The following MIA2 variants were observed in gnomAD, a reference collection of about 807,000 sequenced individuals.
MIA2 encodes melanoma inhibitory activity protein 2.
MIA2 carries 127 observed loss-of-function variants against 167.8 expected under a neutral mutation model. The observed-to-expected ratio is 0.76, with a 90% CI of 0.66 to 0.88. The LOEUF (loss-of-function observed/expected upper bound fraction) is 0.88, where lower values mean the gene tolerates loss of function less well. MIA2 is among the 40% of genes least tolerant of loss of function. MIA2 has a pLI of 0.00. For synonymous variants in MIA2, 552 were observed against 541.9 expected (o/e 1.02, Z -0.26); for missense variants, 1,690 against 1,624.7 (o/e 1.04, Z -0.69).
At chr14:39,237,205 C>T (rs573850012) in intron 2 of MIA2, 150 bp downstream of exon 2, 3 of 856,456 alleles carry the variant, frequency 3.5e-6, no homozygotes, top group African/African-American at 3.3e-5. Flanking sequence ...ACTACAACTT[C>T]CAGCTTCCAA....
rs2056761442 is a variant in MIA2, at chr14:39,269,594, A to G, written c.1888-7340A>G. On this transcript the variant is annotated intron_variant, in intron 6 of 28. Coordinates refer to ENST00000640607, the MANE Select transcript of MIA2 (RefSeq NM_001329214.4). ...GAGTGCAGTGGCTTGATCTCAGCTC[A>G]CTGCAGCTTAGACCTCTCTGGCTCA... is the stretch of plus-strand genomic sequence containing the variant. Among the ~76,000 whole-genome samples the G allele has an allele frequency of 2.0e-5, 3 of 150,072 alleles. No individual in the cohort carries two copies. The South Asian group carries it at 6.3e-4, about 32-fold the overall frequency.
In MIA2 at chr14:39,249,065, T is replaced by A. The variant is rs1002205131; in HGVS notation, c.1567+924T>A. On this transcript the variant is annotated intron_variant, in intron 4 of 28. Coordinates refer to ENST00000640607, the MANE Select transcript of MIA2 (RefSeq NM_001329214.4). ...GCTAAAGGAAAGTTTAATTAAATAG[T>A]TTTGATTATTAAATTAGATCTTATT... Among the ~76,000 whole-genome samples the A allele has an allele frequency of 3.9e-5, 6 of 152,228 alleles. No individual in the cohort carries two copies. In the East Asian group the frequency reaches 1.2e-3, roughly 29 times the overall value.
chr14:39,334,835 T>C (rs540656350), intron 25 of MIA2, among the ~76,000 whole-genome samples: 1 of 152,310 alleles, frequency 6.6e-6, no homozygotes, highest in South Asian at 2.1e-4. Flanking sequence ...CCCAAAGTGC[T>C]GTGATTACAG....
intron 23 of MIA2, among the ~76,000 whole-genome samples, chr14:39,357,667 G>A (rs1285139539): frequency 6.6e-6 from 1 of 152,150 alleles, no homozygotes; most frequent in East Asian, 1.9e-4. Context: ...TCACAATTTG[G>A]CATGTTTTTG....
At chr14:39,386,718 G>A in intron 23 of MIA2, 1 of 1,328,542 alleles carries the variant, frequency 7.5e-7, no homozygotes, top group Non-Finnish European at 1.1e-6. Flanking sequence ...ATGCTTCTTT[G>A]AATATTTGTA....
intron 23 of MIA2, among the ~76,000 whole-genome samples, chr14:39,360,135 C>T (rs1317408318): frequency 1.3e-5 from 2 of 151,930 alleles, no homozygotes; most frequent in Admixed American, 6.6e-5. Context: ...AACCCTGTCT[C>T]TACTAAAAAT....
At chr14:39,355,755 G>A (rs909376223), downstream of MIA2, among the ~76,000 whole-genome samples, 2 of 151,954 alleles carry the variant, frequency 1.3e-5, no homozygotes, top group South Asian at 2.1e-4. Flanking sequence ...GAGAGTTTTT[G>A]GCATGAAGGG....
Position 39,279,437 on chromosome 14 carries a change from T to G in MIA2, c.2042-12T>G. 5 of 1,604,022 alleles carry G rather than the reference T, an allele frequency of 3.1e-6. No homozygotes were observed. Among genetic ancestry groups the G allele is most frequent in the Non-Finnish European group, 4.2e-6 (5 of 1,177,436 alleles). On this transcript the variant is annotated splice_polypyrimidine_tract_variant and intron_variant, in intron 8 of 28. Coordinates refer to ENST00000640607, the MANE Select transcript of MIA2 (RefSeq NM_001329214.4). ...TAATTTACTCATGGTAATATTGACT[T>G]GACTTTTTTAGGACGAGAGAAAAAG...
intron 23 of MIA2, among the ~76,000 whole-genome samples, chr14:39,375,616 G>T (rs1472489534): frequency 6.6e-6 from 1 of 152,176 alleles, no homozygotes; most frequent in Non-Finnish European, 1.5e-5. Context: ...AGAATTGCTT[G>T]AACCCGGGAG....
intron 15 of MIA2, 48 bp from the exon 16 acceptor site, chr14:39,303,430 T>C: frequency 7.2e-7 from 1 of 1,381,734 alleles, no homozygotes; most frequent in Non-Finnish European, 1.0e-6. Flanking sequence ...TATTGTCGTA[T>C]TGTACTATTT....
chr14:39,374,492 T>G (rs1186756641), intron 23 of MIA2, among the ~76,000 whole-genome samples: 2 of 152,242 alleles, frequency 1.3e-5, no homozygotes, highest in Non-Finnish European at 2.9e-5. Flanking sequence ...TGGCTATCTT[T>G]TTTTGGAAAA....
chr14:39,383,835 G>A (rs943506885), intron 23 of MIA2, among the ~76,000 whole-genome samples: 1 of 152,188 alleles, frequency 6.6e-6, no homozygotes, highest in African/African-American at 2.4e-5. Context: ...CTCTCTTCAA[G>A]TCTATGAAGG....
At chr14:39,243,268 T>C (rs1302971337) in intron 3 of MIA2, among the ~76,000 whole-genome samples, 4 of 152,138 alleles carry the variant, frequency 2.6e-5, no homozygotes, top group African/African-American at 9.7e-5. Context: ...TTGTCTTTAA[T>C]AGAGAGAGAG....
chr14:39,278,404 T>C lies in MIA2; in HGVS notation c.2020-933T>C, dbSNP rs141415589. ...TATACCTTTTGAGAGTTCCTTAATC[T>C]GAGGAACTGAAATCTATTCTTCATC... On this transcript the variant is annotated intron_variant, in intron 7 of 28. Transcript: ENST00000640607. Among the ~76,000 whole-genome samples the C allele has an allele frequency of 3.4e-3, 513 of 152,358 alleles. 1 individual carries two copies. The highest frequency in any genetic ancestry group is 0.014 in the Middle Eastern group (4 of 292).
chr14:39,355,237 C>A (rs2074490957), downstream of MIA2, among the ~76,000 whole-genome samples: 1 of 152,092 alleles, frequency 6.6e-6, no homozygotes, highest in South Asian at 2.1e-4. Context: ...TTTCATTGAG[C>A]AGTGGTTTGT....
rs549302032 is a variant in MIA2 at position 39,362,909 on chromosome 14, T to C, written c.2248+13932T>C. ...CACTTGTTTCAAGAAAACTTCTTTATTTCCTTCTTAATTTCTACTTTGTCC... is the reference window on the plus strand; with the variant it reads ...CACTTGTTTCAAGAAAACTTCTTTACTTCCTTCTTAATTTCTACTTTGTCC... On this transcript the variant is annotated intron_variant, in intron 23 of 23. Transcript: ENST00000341502. Among the ~76,000 whole-genome samples the C allele has an allele frequency of 1.2e-4, 19 of 152,356 alleles. No individual in the cohort carries two copies. The South Asian group carries it at 1.7e-3, about 13-fold the overall frequency.
intron 2 of MIA2, chr14:39,237,257 A>G: frequency 1.6e-6 from 1 of 612,370 alleles, no homozygotes; most frequent in South Asian, 1.7e-5. Flanking sequence ...CCTCCTGAGT[A>G]GCTGGGACTA....
intron 28 of MIA2, 146 bp downstream of exon 28, chr14:39,349,123 G>A (rs1207379800): frequency 1.7e-5 from 18 of 1,072,064 alleles, no homozygotes; most frequent in East Asian, 7.9e-5. Context: ...TTACTTTTCC[G>A]AATTGGGAAG....
At chr14:39,326,816 G>A in intron 24 of MIA2, 48 bp from the exon 25 acceptor site, 1 of 1,518,230 alleles carries the variant, frequency 6.6e-7, no homozygotes, top group African/African-American at 1.5e-5. Context: ...AAGTATATAA[G>A]ACTTTTTAAG....
Sources: gnomAD v4.1 joint callset for allele counts (sites outside exome capture counted in the v4.1 genomes callset) on GRCh38, gnomAD v4.1.1 for gene constraint, MANE v1.5 for transcripts, NCBI Gene and HGNC (gene_info 2026-07-23, HGNC 2026-07-21) for gene names.